The following TTL variants were observed in gnomAD, a reference collection of about 807,000 sequenced individuals.
The protein encoded by TTL is tubulin tyrosine ligase, also known as tubulin--tyrosine ligase.
TTL carries 10 observed loss-of-function variants against 41.1 expected under a neutral mutation model. The observed-to-expected ratio is 0.24, with a 90% CI of 0.15 to 0.41. The LOEUF (loss-of-function observed/expected upper bound fraction) is 0.41. TTL is among the 10% of genes least tolerant of loss of function. TTL has a pLI of 1.00. For missense variants in TTL, 367 were observed against 460.4 expected (o/e 0.80, Z 1.86); for synonymous variants, 175 against 175.5 (o/e 1.00, Z 0.02).
rs1276822576 is a variant in TTL, at chr2:112,539,103, ACT to A, written c.*10311_*10312del. The A allele has an allele frequency of 1.5e-5, 2 of 133,880 alleles. No homozygotes were observed. Among genetic ancestry groups the A allele is most frequent in the African/African-American group, 3.0e-5 (1 of 33,522 alleles). The allele number at this position is 133,880 out of a possible 1,614,324, so 8.3% of individuals were successfully genotyped here. The stretch of plus-strand genomic sequence containing the variant: ...CTGCACTCCAGCCTGGGTGACAGAG[ACT>A]CTGTCTAAAAAAAAAAAAAAAAAAA... On this transcript the variant is annotated 3_prime_UTR_variant, in exon 7 of 7. Transcript: ENST00000233336.
rs1379703422 is a variant in TTL, at chr2:112,540,488, A to G, written c.*11693A>G. On this transcript the variant is annotated 3_prime_UTR_variant, in exon 7 of 7. Transcript: ENST00000233336. ...ACAAGCTAAGCTGACGCTAAAATCC[A>G]TATTGAAATACAAAGGATCAAATAA... 2.0e-5 allele frequency: 3 copies of G among 152,172 alleles called. No homozygotes were observed. The highest frequency in any genetic ancestry group is 2.9e-5 in the Non-Finnish European group (2 of 68,036). The allele number at this position is 152,172 out of a possible 1,614,324, so 9.4% of individuals were successfully genotyped here.
intron 3 of TTL, among the ~76,000 whole-genome samples, chr2:112,496,384 G>A (rs1201679866): frequency 6.6e-6 from 1 of 152,166 alleles, no homozygotes; most frequent in East Asian, 1.9e-4. Flanking sequence ...TGTTAAACAA[G>A]TATTTATTTG....
chr2:112,529,249 A>G lies in TTL; in HGVS notation c.*454A>G, dbSNP rs764274756. On this transcript the variant is annotated 3_prime_UTR_variant, in exon 7 of 7. Transcript: ENST00000233336. ...CATCCCTTCGGTAACACTCTGCCAC[A>G]CTAAGCTCTGTACAAGCATGCACCA... is the stretch of plus-strand genomic sequence containing the variant. 5.1e-5 allele frequency: 14 copies of G among 276,420 alleles called. No homozygotes were observed. The highest frequency in any genetic ancestry group is 9.0e-5 in the Non-Finnish European group (13 of 144,058). 17.1% of individuals were successfully genotyped at this position (276,420 alleles called of 1,614,324 possible). A position where few individuals can be genotyped will look rare whatever the true frequency, so the allele number is the denominator to read the frequency against.
At chr2:112,499,484 A>G (rs1258194130) in intron 3 of TTL, among the ~76,000 whole-genome samples, 2 of 152,182 alleles carry the variant, frequency 1.3e-5, no homozygotes, top group African/African-American at 4.8e-5. Flanking sequence ...ACATCAACAT[A>G]AGCTTCACAC....
At chr2:112,496,397 AC>A (rs1490545560) in intron 3 of TTL, among the ~76,000 whole-genome samples, 1 of 152,154 alleles carries the variant, frequency 6.6e-6, no homozygotes, top group Non-Finnish European at 1.5e-5. Flanking sequence ...TTTATTTGGT[AC>A]CCACTACATG....
intron 2 of TTL, among the ~76,000 whole-genome samples, chr2:112,491,021 T>G (rs1681370630): frequency 6.6e-6 from 1 of 152,046 alleles, no homozygotes; most frequent in Non-Finnish European, 1.5e-5. Flanking sequence ...TGTTGGAGTC[T>G]CACTCTGTCA....
chr2:112,518,472 T>C (rs1458767673), intron 5 of TTL, among the ~76,000 whole-genome samples: 1 of 151,938 alleles, frequency 6.6e-6, no homozygotes, highest in Non-Finnish European at 1.5e-5. Context: ...GGTTTAAATG[T>C]ATCAATTAAA....
In TTL at chr2:112,539,300, G is replaced by A. The variant is rs191515161; in HGVS notation, c.*10505G>A. On this transcript the variant is annotated 3_prime_UTR_variant, in exon 7 of 7. Transcript: ENST00000233336. ...ATACCTTTGTAACAAATTCGCACATGTACCCCCCTGATTCTAAAATAAACG... is the reference window on the plus strand; with the variant it reads ...ATACCTTTGTAACAAATTCGCACATATACCCCCCTGATTCTAAAATAAACG... 1 of 152,008 alleles carries A rather than the reference G, an allele frequency of 6.6e-6. No homozygotes were observed. Among genetic ancestry groups the A allele is most frequent in the African/African-American group, 2.4e-5 (1 of 41,444 alleles). The allele number at this position is 152,008 out of a possible 1,614,324, so 9.4% of individuals were successfully genotyped here.
chr2:112,526,157 G>A (rs1219293872), intron 6 of TTL, among the ~76,000 whole-genome samples: 5 of 152,040 alleles, frequency 3.3e-5, no homozygotes, highest in African/African-American at 9.7e-5. Flanking sequence ...TGGTGGATAA[G>A]CTTTTTGATG....
At chr2:112,484,716 A>C (rs1193588537) in intron 1 of TTL, among the ~76,000 whole-genome samples, 2 of 152,194 alleles carry the variant, frequency 1.3e-5, no homozygotes, top group African/African-American at 4.8e-5. Flanking sequence ...TCAGGAAGGC[A>C]GGTGCCCTGT....
At chr2:112,524,199 G>A (rs547338050) in intron 6 of TTL, among the ~76,000 whole-genome samples, 8 of 152,274 alleles carry the variant, frequency 5.3e-5, no homozygotes, top group African/African-American at 1.9e-4. Flanking sequence ...TATCATTGAT[G>A]GACATTTGGG....
chr2:112,526,657 G>A (rs568655441), intron 6 of TTL, among the ~76,000 whole-genome samples: 21 of 152,122 alleles, frequency 1.4e-4, no homozygotes, highest in South Asian at 1.0e-3. Flanking sequence ...TTTTTATTGC[G>A]TCTATTTGAT....
intron 5 of TTL, among the ~76,000 whole-genome samples, chr2:112,514,707 C>T (rs1311597559): frequency 1.3e-5 from 2 of 152,144 alleles, no homozygotes; most frequent in African/African-American, 4.8e-5. Context: ...CATATTCCTG[C>T]ATTTGGGTTC....
intron 2 of TTL, among the ~76,000 whole-genome samples, chr2:112,493,309 C>G (rs902750246): frequency 6.6e-6 from 1 of 150,928 alleles, no homozygotes; most frequent in Non-Finnish European, 1.5e-5. Context: ...GGAGTAAGAG[C>G]AGGTTTCCAG....
At chr2:112,485,598 A>C (rs765174130) in intron 1 of TTL, among the ~76,000 whole-genome samples, 1 of 152,218 alleles carries the variant, frequency 6.6e-6, no homozygotes, top group Non-Finnish European at 1.5e-5. Flanking sequence ...AGCGGAATGC[A>C]GTGTGCAGTC....
At chr2:112,521,732 G>T (rs1682237096) in intron 6 of TTL, among the ~76,000 whole-genome samples, 1 of 152,186 alleles carries the variant, frequency 6.6e-6, no homozygotes, top group African/African-American at 2.4e-5. Context: ...AGAGACACAG[G>T]CCCTACCTTT....
chr2:112,525,225 G>A (rs969544471), intron 6 of TTL, among the ~76,000 whole-genome samples: 23 of 152,200 alleles, frequency 1.5e-4, no homozygotes, highest in Non-Finnish European at 1.5e-4. Context: ...CAGGTAGGGT[G>A]ATGCCTCCAG....
intron 2 of TTL, among the ~76,000 whole-genome samples, chr2:112,492,019 T>C (rs944736493): frequency 6.6e-6 from 1 of 152,206 alleles, no homozygotes; most frequent in Non-Finnish European, 1.5e-5. Context: ...TTAGTCCCAA[T>C]TGTGGTATTT....
chr2:112,494,485 T>A, intron 3 of TTL, 110 bp downstream of exon 3: 1 of 802,478 alleles, frequency 1.2e-6, no homozygotes, highest in Non-Finnish European at 2.0e-6. Flanking sequence ...AGACCGTGTC[T>A]AGTTACATAG....
Sources: allele counts gnomAD v4.1 joint callset (sites outside exome capture counted in the v4.1 genomes callset), GRCh38; gene constraint gnomAD v4.1.1; transcripts MANE v1.5; gene names NCBI Gene and HGNC (gene_info 2026-07-23, HGNC 2026-07-21).